SYT2: variants seen among roughly 807,000 people sequenced by gnomAD.
The protein encoded by SYT2 is synaptotagmin-2.
A neutral mutation model predicts 39.9 loss-of-function variants in SYT2; 15 were observed. The ratio of observed to expected loss-of-function variants is 0.38; its 90% CI spans 0.25 to 0.58. SYT2 has a LOEUF of 0.58. Among genes scored for constraint, SYT2 ranks in the 20% least tolerant of loss-of-function variants. SYT2 has a pLI of 0.70. For synonymous variants in SYT2, 181 were observed against 204.5 expected (o/e 0.89, Z 0.98); for missense variants, 389 against 530.3 (o/e 0.73, Z 2.62).
chr1:202,668,669 T>C (rs1258905250), intron 1 of SYT2, among the ~76,000 whole-genome samples: 2 of 152,206 alleles, frequency 1.3e-5, no homozygotes, highest in African/African-American at 2.4e-5. Context: ...GTATTTCTTA[T>C]AGGCAGGCAT....
At chr1:202,619,859 A>G (rs1449503497) in intron 1 of SYT2, among the ~76,000 whole-genome samples, 1 of 152,216 alleles carries the variant, frequency 6.6e-6, no homozygotes, top group African/African-American at 2.4e-5. Flanking sequence ...TGATGAGCGC[A>G]CAGATGTTCT....
intron 1 of SYT2, among the ~76,000 whole-genome samples, chr1:202,685,110 C>A (rs1301849947): frequency 6.6e-6 from 1 of 152,100 alleles, no homozygotes; most frequent in Non-Finnish European, 1.5e-5. Context: ...TCAGCCCTGT[C>A]CTGGCAAACC....
intron 1 of SYT2, among the ~76,000 whole-genome samples, chr1:202,699,010 C>CTTTTTTTTTTT (rs5780118): frequency 1.0e-5 from 1 of 97,942 alleles, no homozygotes; most frequent in Non-Finnish European, 2.0e-5. Flanking sequence ...ACCAAACTGT[C>CTTTTTTTTTTT]TTTTTTTTTT....
intron 1 of SYT2, among the ~76,000 whole-genome samples, chr1:202,617,562 CTT>C (rs1365318329): frequency 6.6e-6 from 1 of 152,172 alleles, no homozygotes; most frequent in Non-Finnish European, 1.5e-5. Context: ...ATTGCCCAGT[CTT>C]AGGTTTTTCT....
intron 1 of SYT2, among the ~76,000 whole-genome samples, chr1:202,633,448 C>A (rs565458567): frequency 2.7e-4 from 41 of 152,168 alleles, no homozygotes; most frequent in South Asian, 6.2e-4. Flanking sequence ...ACCAAGGGCT[C>A]CATAATGGAA....
intron 1 of SYT2, among the ~76,000 whole-genome samples, chr1:202,697,280 C>A (rs565491334): frequency 6.6e-6 from 1 of 152,246 alleles, no homozygotes; most frequent in African/African-American, 2.4e-5. Flanking sequence ...CGGTAAGTGG[C>A]GTGTGGACCA....
At chr1:202,674,941 G>A (rs1653325426) in intron 1 of SYT2, among the ~76,000 whole-genome samples, 1 of 102,072 alleles carries the variant, frequency 9.8e-6, no homozygotes, top group Admixed American at 1.0e-4. Context: ...GCCTCCTTCA[G>A]AGCACTTACT....
Position 202,609,255 on chromosome 1 carries a change from A to C in SYT2, c.-17-3466T>G, listed in dbSNP as rs530268143. ...GTATTCCATGGTGTATGTGTGCCAC[A>C]TTTTCTTAATCCAGTCTTATCATTG... On this transcript the variant is annotated intron_variant, in intron 1 of 8. Coordinates refer to ENST00000367268, the MANE Select transcript of SYT2 (RefSeq NM_177402.5). 2.0e-5 allele frequency among the ~76,000 whole-genome samples: 3 copies of C among 151,706 alleles called. No individual in the cohort carries two copies. In the East Asian group the frequency reaches 5.8e-4, roughly 30 times the overall value.
At chr1:202,659,395 C>T (rs1441906748) in intron 1 of SYT2, among the ~76,000 whole-genome samples, 1 of 152,154 alleles carries the variant, frequency 6.6e-6, no homozygotes, top group Non-Finnish European at 1.5e-5. Context: ...CTCAGCCCCT[C>T]CCTTCCACCA....
rs142131677 is a variant in SYT2, at chr1:202,657,260, A to G, written c.-17-51471T>C. Reference sequence around the variant, plus strand: ...GTCCAAGCACACCCACACAAGAGCCACGTTCACCACGGTCTTTAGAGCAAC... The same window carrying G: ...GTCCAAGCACACCCACACAAGAGCCGCGTTCACCACGGTCTTTAGAGCAAC... On this transcript the variant is annotated intron_variant, in intron 1 of 8. Transcript: ENST00000367268. 2.9e-3 allele frequency among the ~76,000 whole-genome samples: 448 copies of G among 152,312 alleles called. 6 individuals are homozygous for G. The highest frequency in any genetic ancestry group is 0.01 in the African/African-American group (433 of 41,586).
intron 1 of SYT2, among the ~76,000 whole-genome samples, chr1:202,703,213 G>T (rs1471390224): frequency 2.0e-5 from 3 of 151,976 alleles, no homozygotes; most frequent in African/African-American, 7.3e-5. Flanking sequence ...TTCTGGTCTG[G>T]AAAGGAAAAA....
chr1:202,653,411 T>C (rs1199979737), intron 1 of SYT2, among the ~76,000 whole-genome samples: 1 of 152,220 alleles, frequency 6.6e-6, no homozygotes, highest in Non-Finnish European at 1.5e-5. Flanking sequence ...GCTGGTACTG[T>C]TCTCCAGTCA....
At chr1:202,651,850 A>G (rs1465237984) in intron 1 of SYT2, among the ~76,000 whole-genome samples, 1 of 152,182 alleles carries the variant, frequency 6.6e-6, no homozygotes, top group Non-Finnish European at 1.5e-5. Flanking sequence ...CACGAGGTCA[A>G]GAGATCGAGA....
intron 1 of SYT2, among the ~76,000 whole-genome samples, chr1:202,683,989 A>G (rs1456248699): frequency 1.3e-5 from 2 of 152,052 alleles, no homozygotes; most frequent in Non-Finnish European, 2.9e-5. Context: ...TTCTGTGTAC[A>G]TATCATATTA....
chr1:202,615,374 G>A (rs1174847992), intron 1 of SYT2, among the ~76,000 whole-genome samples: 1 of 152,148 alleles, frequency 6.6e-6, no homozygotes, highest in Non-Finnish European at 1.5e-5. Context: ...GGCACCAGGT[G>A]CTGAGACCAG....
Position 202,592,323 on chromosome 1 carries a change from C to T in SYT2, c.*4434G>A, listed in dbSNP as rs1311918762. 1.3e-5 allele frequency: 2 copies of T among 152,690 alleles called. No homozygotes were observed. Among genetic ancestry groups the T allele is most frequent in the African/African-American group, 4.8e-5 (2 of 41,456 alleles). 9.5% of individuals were successfully genotyped at this position (152,690 alleles called of 1,614,324 possible). Reference sequence around the variant, plus strand: ...CAGGGTCCTCCAGCATCTCCCAAGGCAGGGCTGGACTGGAGCAGGCACCGA... The same window carrying T: ...CAGGGTCCTCCAGCATCTCCCAAGGTAGGGCTGGACTGGAGCAGGCACCGA... On this transcript the variant is annotated 3_prime_UTR_variant, in exon 9 of 9. Coordinates refer to ENST00000367268, the MANE Select transcript of SYT2 (RefSeq NM_177402.5).
intron 1 of SYT2, among the ~76,000 whole-genome samples, chr1:202,664,954 C>T (rs942537809): frequency 1.1e-4 from 16 of 152,188 alleles, no homozygotes; most frequent in African/African-American, 2.4e-4. Flanking sequence ...CCACTGCACC[C>T]GGACTTCTCA....
intron 1 of SYT2, among the ~76,000 whole-genome samples, chr1:202,689,379 T>C (rs1653762327): frequency 6.6e-6 from 1 of 152,196 alleles, no homozygotes; most frequent in Non-Finnish European, 1.5e-5. Flanking sequence ...AGCACATGGA[T>C]GCTGGTGGCT....
At chr1:202,685,609 C>T (rs983623288) in intron 1 of SYT2, among the ~76,000 whole-genome samples, 6 of 151,948 alleles carry the variant, frequency 3.9e-5, no homozygotes, top group African/African-American at 1.5e-4. Flanking sequence ...GATGCTTGGG[C>T]GGGGTGGAAA....
Sources: gnomAD v4.1 joint callset for allele counts (sites outside exome capture counted in the v4.1 genomes callset) on GRCh38, gnomAD v4.1.1 for gene constraint, MANE v1.5 for transcripts, NCBI Gene and HGNC (gene_info 2026-07-23, HGNC 2026-07-21) for gene names.